The following PAX2 variants were observed in gnomAD, a reference collection of about 807,000 sequenced individuals.
The protein encoded by PAX2 is paired box protein Pax-2.
PAX2 carries 9 observed loss-of-function variants against 41.7 expected under a neutral mutation model. The ratio of observed to expected loss-of-function variants is 0.22; its 90% CI spans 0.13 to 0.38. The LOEUF (loss-of-function observed/expected upper bound fraction) is 0.38. Ranked by LOEUF, PAX2 falls within the 10% of genes least tolerant of loss-of-function variation. PAX2 has a pLI of 1.00. For missense variants in PAX2, 418 were observed against 531.6 expected, an observed-to-expected ratio of 0.79 and a Z score of 2.10; for synonymous variants, 221 against 212.7, an observed-to-expected ratio of 1.04 and a Z score of -0.34.
At chr10:100,806,903 G>A (rs1847803694) in intron 6 of PAX2, among the ~76,000 whole-genome samples, 3 of 152,194 alleles carry the variant, frequency 2.0e-5, no homozygotes. Context: ...GGGCTTGGAT[G>A]TAGGGTTTGT....
rs1022058863 is a variant in PAX2 at position 100,748,062 on chromosome 10, G to A, written c.44-1684G>A. On this transcript the variant is annotated intron_variant, in intron 1 of 9. Transcript: ENST00000355243. The surrounding 1 kb of genome is among the most constrained non-coding windows in gnomAD (Gnocchi z 5.0). The stretch of plus-strand genomic sequence containing the variant: ...GCCCGAGTCGGTGCTGGCGGCCGTG[G>A]CGCATTCCAGGCCCGACTCAGCGCC... 2.0e-6 allele frequency: 2 copies of A among 984,904 alleles called. No individual in the cohort carries two copies. The highest frequency in any genetic ancestry group is 2.4e-6 in the Non-Finnish European group (2 of 829,890). 61.0% of individuals were successfully genotyped at this position (984,904 alleles called of 1,614,324 possible). A position where few individuals can be genotyped will look rare whatever the true frequency, so the allele number is the denominator to read the frequency against.
chr10:100,742,562 A>T (rs556101375), upstream of PAX2, among the ~76,000 whole-genome samples: 1 of 152,358 alleles, frequency 6.6e-6, no homozygotes, highest in African/African-American at 2.4e-5. Context: ...TCAGATGCAC[A>T]GAGGCGGCTA....
intron 5 of PAX2, among the ~76,000 whole-genome samples, chr10:100,803,194 G>A (rs1464101598): frequency 2.0e-5 from 3 of 152,126 alleles, no homozygotes; most frequent in Non-Finnish European, 4.4e-5. Flanking sequence ...CGAAAGTAGA[G>A]CCAGCTGGTT....
intron 3 of PAX2, among the ~76,000 whole-genome samples, chr10:100,770,404 T>C (rs1244383349): frequency 1.3e-5 from 2 of 152,180 alleles, no homozygotes; most frequent in Admixed American, 6.5e-5. Context: ...GCAGGGCCAG[T>C]GGTGAGAGGC....
In PAX2 at chr10:100,748,122, C is replaced by G. The variant is rs1221211883; in HGVS notation, c.44-1624C>G. On this transcript the variant is annotated intron_variant, in intron 1 of 9. Transcript: ENST00000355243. The surrounding 1 kb of genome is among the most constrained non-coding windows in gnomAD (Gnocchi z 5.0). ...CAGTCCCCCAGCCCTGGACTCCCGC[C>G]GTGTCCCCTTCCCATCCCCACCCCT... is the stretch of plus-strand genomic sequence containing the variant. 1.0e-6 allele frequency: 1 copy of G among 985,028 alleles called. No individual in the cohort carries two copies. Among genetic ancestry groups the G allele is most frequent in the African/African-American group, 1.7e-5 (1 of 57,162 alleles). 61.0% of individuals were successfully genotyped at this position (985,028 alleles called of 1,614,324 possible).
At chr10:100,749,665 C>G in intron 1 of PAX2, 81 bp from the exon 2 acceptor site, 1 of 1,546,344 alleles carries the variant, frequency 6.5e-7, no homozygotes, top group Non-Finnish European at 8.7e-7. Context: ...CTTCCTTCGC[C>G]CGTCCCGGGC....
intron 7 of PAX2, among the ~76,000 whole-genome samples, chr10:100,811,577 C>G (rs1193209818): frequency 6.6e-6 from 1 of 152,238 alleles, no homozygotes; most frequent in African/African-American, 2.4e-5. Context: ...TCTGTGAGAA[C>G]TGGGCTCCAG....
chr10:100,753,336 C>G (rs1436776065), intron 3 of PAX2, among the ~76,000 whole-genome samples: 2 of 152,212 alleles, frequency 1.3e-5, no homozygotes, highest in African/African-American at 4.8e-5. Flanking sequence ...GGGAACCACG[C>G]TCTCATCTTC....
At chr10:100,736,627 C>T (rs1454165031) in intron 1 of PAX2, among the ~76,000 whole-genome samples, 4 of 151,882 alleles carry the variant, frequency 2.6e-5, no homozygotes, top group African/African-American at 9.7e-5. Context: ...GTTGTTTCAG[C>T]TGATAACCCA....
upstream of PAX2, among the ~76,000 whole-genome samples, chr10:100,743,386 A>C (rs1406636496): frequency 6.6e-6 from 1 of 151,976 alleles, no homozygotes; most frequent in Non-Finnish European, 1.5e-5. Flanking sequence ...ACATAGGGAC[A>C]TGTCTAGCTG....
At chr10:100,758,782 G>T (rs1845731920) in intron 3 of PAX2, among the ~76,000 whole-genome samples, 1 of 152,224 alleles carries the variant, frequency 6.6e-6, no homozygotes, top group Non-Finnish European at 1.5e-5. Flanking sequence ...GCAGCCTTTG[G>T]TTGACCTGAC....
intron 5 of PAX2, among the ~76,000 whole-genome samples, chr10:100,788,261 G>A (rs1349726638): frequency 2.6e-5 from 4 of 152,310 alleles, no homozygotes; most frequent in Non-Finnish European, 4.4e-5. Flanking sequence ...CTGGCCGCCC[G>A]CGATCGCCTC....
At chr10:100,773,584 A>G (rs1204189629) in intron 3 of PAX2, among the ~76,000 whole-genome samples, 1 of 152,242 alleles carries the variant, frequency 6.6e-6, no homozygotes, top group Non-Finnish European at 1.5e-5. Context: ...TACTAAGTAT[A>G]CATACATTAT....
intron 3 of PAX2, among the ~76,000 whole-genome samples, chr10:100,759,969 G>C (rs1845777777): frequency 6.6e-6 from 1 of 152,176 alleles, no homozygotes; most frequent in Admixed American, 6.5e-5. Context: ...GCAGCTTCTG[G>C]CCTGCAGGAC....
rs1458911785 is a variant in PAX2 at position 100,739,895 on chromosome 10, G to A, written c.25+4162G>A. Among the ~76,000 whole-genome samples, 5 of 152,234 alleles carry A rather than the reference G, an allele frequency of 3.3e-5. No homozygotes were observed. The East Asian group carries it at 9.6e-4, about 29-fold the overall frequency. ...TCCGACTCTCTCGCCCGGCCTAGGG[G>A]AGGAGGGGAGGGGACAGCTGGCCAG... On this transcript the variant is annotated intron_variant, in intron 1 of 9. Transcript: ENST00000679374.
chr10:100,799,899 C>T (rs1466478881), intron 5 of PAX2, among the ~76,000 whole-genome samples: 5 of 150,378 alleles, frequency 3.3e-5, no homozygotes, highest in African/African-American at 1.2e-4. Flanking sequence ...ATTCTCCTGC[C>T]TCAGGCCTCC....
chr10:100,806,673 G>C, intron 6 of PAX2, 68 bp downstream of exon 6: 1 of 1,396,272 alleles, frequency 7.2e-7, no homozygotes, highest in Non-Finnish European at 1.0e-6. Flanking sequence ...TCAAAAACTT[G>C]TTCACTAAAC....
intron 3 of PAX2, among the ~76,000 whole-genome samples, chr10:100,755,196 C>A (rs1351816902): frequency 6.6e-6 from 1 of 152,204 alleles, no homozygotes; most frequent in Non-Finnish European, 1.5e-5. Context: ...TGAAAAGCCT[C>A]TTTTTGTTTT....
intron 5 of PAX2, among the ~76,000 whole-genome samples, chr10:100,806,133 G>A (rs1450960827): frequency 6.6e-6 from 1 of 152,154 alleles, no homozygotes; most frequent in African/African-American, 2.4e-5. Context: ...CAGGGAGCTG[G>A]CTCCTGGGAG....
Sources: gnomAD v4.1 joint callset for allele counts (sites outside exome capture counted in the v4.1 genomes callset) on GRCh38, gnomAD v4.1.1 for gene constraint, Gnocchi (gnomAD v3.1) non-coding constraint, MANE v1.5 for transcripts, NCBI Gene and HGNC (gene_info 2026-07-23, HGNC 2026-07-21) for gene names.